Variants in RIMS2 observed in about 807,000 individuals in gnomAD.
The protein encoded by RIMS2 is regulating synaptic membrane exocytosis protein 2.
RIMS2 carries 59 observed loss-of-function variants against 174.4 expected under a neutral mutation model. The observed-to-expected ratio is 0.34, with a 90% CI of 0.27 to 0.42. RIMS2 has a LOEUF of 0.42. RIMS2 is among the 10% of genes least tolerant of loss of function. The probability of loss-of-function intolerance (pLI) is 1.00; values close to 1 mark genes in which losing one functional copy is unlikely to be tolerated. For synonymous variants in RIMS2, 606 were observed against 572.5 expected (o/e 1.06, Z -0.84); for missense variants, 1,620 against 1,666.3 (o/e 0.97, Z 0.48).
chr8:103,604,643 C>G (rs1295732465), intron 1 of RIMS2, among the ~76,000 whole-genome samples: 1 of 147,336 alleles, frequency 6.8e-6, no homozygotes, highest in Non-Finnish European at 1.5e-5. Context: ...ATGGAATGTT[C>G]TTCCATTTGT....
chr8:104,050,623 A>G (rs1334626813), intron 19 of RIMS2, among the ~76,000 whole-genome samples: 1 of 152,194 alleles, frequency 6.6e-6, no homozygotes, highest in Non-Finnish European at 1.5e-5. Context: ...GCTATAAAGT[A>G]TTTTTGCAAG....
intron 17 of RIMS2, among the ~76,000 whole-genome samples, chr8:104,005,339 A>T (rs1055633542): frequency 5.3e-5 from 8 of 152,198 alleles, no homozygotes; most frequent in Admixed American, 5.2e-4. Flanking sequence ...CTAGGGAGCC[A>T]GCTTCCCCTC....
intron 1 of RIMS2, among the ~76,000 whole-genome samples, chr8:103,652,985 A>C (rs1314540840): frequency 6.6e-6 from 1 of 152,184 alleles, no homozygotes; most frequent in Non-Finnish European, 1.5e-5. Context: ...TTTTCCAACA[A>C]TGCAATATAT....
At chr8:103,580,445 ATGTG>A (rs35882328) in intron 1 of RIMS2, among the ~76,000 whole-genome samples, 17,597 of 149,622 alleles carry the variant, frequency 0.12, 1,348 homozygotes, top group Non-Finnish European at 0.17. Context: ...ATATGTGTGC[ATGTG>A]TGTGTGTGTG....
intron 1 of RIMS2, among the ~76,000 whole-genome samples, chr8:103,620,698 T>A (rs911472442): frequency 6.6e-6 from 1 of 152,192 alleles, no homozygotes; most frequent in Non-Finnish European, 1.5e-5. Flanking sequence ...CTTTATTTCA[T>A]TGAGTTTCTG....
At chr8:104,151,292 G>A (rs373201641) in intron 19 of RIMS2, among the ~76,000 whole-genome samples, 19 of 152,146 alleles carry the variant, frequency 1.2e-4, no homozygotes, top group Non-Finnish European at 1.2e-4. Context: ...GAGTGGTTGC[G>A]GCATGGTGAC....
At chr8:104,168,213 A>T (rs2098809210) in intron 19 of RIMS2, among the ~76,000 whole-genome samples, 1 of 151,994 alleles carries the variant, frequency 6.6e-6, no homozygotes, top group East Asian at 1.9e-4. Context: ...TGATGATGTT[A>T]TTTTGATGAG....
intron 1 of RIMS2, among the ~76,000 whole-genome samples, chr8:103,675,043 G>A (rs527640523): frequency 2.2e-4 from 33 of 152,134 alleles, no homozygotes; most frequent in African/African-American, 7.2e-4. Context: ...CCTGAGTAGC[G>A]AGGATTACAG....
chr8:103,759,111 C>T lies in RIMS2; in HGVS notation c.388-7116C>T, dbSNP rs564726080. Among the ~76,000 whole-genome samples, 179 of 152,244 alleles carry T rather than the reference C, an allele frequency of 1.2e-3. 4 individuals carry two copies. In the South Asian group the frequency reaches 0.035, roughly 30 times the overall value. On this transcript the variant is annotated intron_variant, in intron 2 of 23. Coordinates refer to ENST00000504942, the Ensembl canonical transcript of RIMS2. ...TATGTTCCAGTCTCTTCTTTCCAGG[C>T]TTTGACTCAGGACGAGGATGCATTT...
intron 3 of RIMS2, among the ~76,000 whole-genome samples, chr8:103,868,890 C>G (rs2099096362): frequency 6.6e-6 from 1 of 151,966 alleles, no homozygotes; most frequent in Non-Finnish European, 1.5e-5. Context: ...TAAATATAAG[C>G]ATTATCATTA....
rs768921165 is a variant in RIMS2, at chr8:103,697,321, T to C, written c.387+25T>C. The C allele has an allele frequency of 2.0e-6, 3 of 1,509,858 alleles. No individual in the cohort carries two copies. The East Asian group carries it at 6.8e-5, about 34-fold the overall frequency. 93.5% of individuals were successfully genotyped at this position (1,509,858 alleles called of 1,614,324 possible). On this transcript the variant is annotated intron_variant, in intron 2 of 23. Coordinates refer to ENST00000504942, the Ensembl canonical transcript of RIMS2. The stretch of plus-strand genomic sequence containing the variant: ...GGTACAGAAATGAAAATTACAGTTC[T>C]CTTCTAGTTAAGCTTATTGTGTTTA...
intron 19 of RIMS2, among the ~76,000 whole-genome samples, chr8:104,049,357 G>A (rs1184010924): frequency 3.3e-5 from 5 of 152,004 alleles, no homozygotes; most frequent in Non-Finnish European, 4.4e-5. Flanking sequence ...CCCGGGAGGC[G>A]GAGCTTGCAG....
chr8:103,624,602 T>C (rs1044923974), intron 1 of RIMS2, among the ~76,000 whole-genome samples: 2 of 152,232 alleles, frequency 1.3e-5, no homozygotes, highest in Admixed American at 6.5e-5. Context: ...TAATCTAACT[T>C]TGCTATACAT....
chr8:104,047,588 C>T (rs1462687229), intron 19 of RIMS2, among the ~76,000 whole-genome samples: 2 of 152,074 alleles, frequency 1.3e-5, no homozygotes, highest in African/African-American at 4.8e-5. Context: ...GTACAAAACA[C>T]ATGAAAACTG....
intron 19 of RIMS2, among the ~76,000 whole-genome samples, chr8:104,166,453 G>C (rs1381147287): frequency 6.6e-6 from 1 of 152,108 alleles, no homozygotes; most frequent in African/African-American, 2.4e-5. Context: ...TGCATGTCAA[G>C]CATAGGGAGC....
At chr8:103,818,537 A>G (rs754305684) in intron 3 of RIMS2, among the ~76,000 whole-genome samples, 10 of 152,180 alleles carry the variant, frequency 6.6e-5, no homozygotes, top group Non-Finnish European at 1.3e-4. Context: ...TATGACCACC[A>G]TTATTGAAAT....
intron 2 of RIMS2, among the ~76,000 whole-genome samples, chr8:103,759,017 G>A (rs2098071880): frequency 6.6e-6 from 1 of 151,876 alleles, no homozygotes; most frequent in African/African-American, 2.4e-5. Flanking sequence ...GGAAAAGCTT[G>A]TTTCTTCTAT....
intron 19 of RIMS2, among the ~76,000 whole-genome samples, chr8:104,156,684 A>G (rs756463463): frequency 2.0e-5 from 3 of 152,216 alleles, no homozygotes; most frequent in Non-Finnish European, 2.9e-5. Context: ...TTTTTACAGA[A>G]CTAGAAGTGA....
At chr8:103,759,564 C>CAAA (rs35946104) in intron 2 of RIMS2, among the ~76,000 whole-genome samples, 124 of 69,922 alleles carry the variant, frequency 1.8e-3, no homozygotes, top group Non-Finnish European at 2.2e-3. Context: ...GACTCCGTCT[C>CAAA]AAAAAAAAAA....
Sources: gnomAD v4.1 joint callset for allele counts (sites outside exome capture counted in the v4.1 genomes callset) on GRCh38, gnomAD v4.1.1 for gene constraint, MANE v1.5 for transcripts, NCBI Gene and HGNC (gene_info 2026-07-23, HGNC 2026-07-21) for gene names.